The following DNAJC24 variants were observed in gnomAD, a reference collection of about 807,000 sequenced individuals.
DNAJC24 encodes DnaJ heat shock protein family (Hsp40) member C24, also known as dnaJ homolog subfamily C member 24.
In DNAJC24, 17 loss-of-function variants were observed where a neutral mutation model predicts 18.0. The ratio of observed to expected loss-of-function variants is 0.94; its 90% confidence interval spans 0.65 to 1.42. The LOEUF is 1.42. Among genes scored for constraint, DNAJC24 ranks in the 40% most tolerant of loss-of-function variants. The pLI is 0.00. For missense variants in DNAJC24, 158 were observed against 175.6 expected, an observed-to-expected ratio of 0.90 and a Z score of 0.57; for synonymous variants, 55 against 57.7, an observed-to-expected ratio of 0.95 and a Z score of 0.21.
Position 31,393,974 on chromosome 11 carries a change from A to G in DNAJC24, c.112-20837A>G, listed in dbSNP as rs184678339. On this transcript the variant is annotated intron_variant, in intron 2 of 4. Transcript: ENST00000465995. Reference sequence around the variant, plus strand: ...ACAACAGTTTCCTCAAGTGATCAATAAAAGACCTTGTTTTATGTTTGTTTT... The same window carrying G: ...ACAACAGTTTCCTCAAGTGATCAATGAAAGACCTTGTTTTATGTTTGTTTT... Among the ~76,000 whole-genome samples, 146 of 152,310 alleles carry G rather than the reference A, an allele frequency of 9.6e-4. 2 individuals carry two copies. In the South Asian group the frequency reaches 0.014, roughly 14 times the overall value.
At chr11:31,383,043 A>T (rs1383227010) in intron 2 of DNAJC24, among the ~76,000 whole-genome samples, 2 of 152,208 alleles carry the variant, frequency 1.3e-5, no homozygotes, top group African/African-American at 4.8e-5. Context: ...AGAGATCCAT[A>T]GGGTGAGGTC....
chr11:31,378,342 T>TA (rs1196283651), intron 2 of DNAJC24, among the ~76,000 whole-genome samples: 9 of 150,802 alleles, frequency 6.0e-5, no homozygotes, highest in African/African-American at 2.2e-4. Flanking sequence ...TACGTAACAA[T>TA]AAATAGTTAT....
intron 2 of DNAJC24, 40 bp downstream of exon 2, chr11:31,370,899 A>T: frequency 1.5e-6 from 2 of 1,360,496 alleles, no homozygotes; most frequent in Non-Finnish European, 2.0e-6. Context: ...TGAGGGGAAA[A>T]AAATCAATTT....
At chr11:31,373,771 C>T (rs912681128) in intron 2 of DNAJC24, among the ~76,000 whole-genome samples, 1 of 134,426 alleles carries the variant, frequency 7.4e-6, no homozygotes, top group Admixed American at 7.6e-5. Context: ...TCATTTCTCT[C>T]GTCAGTGTTT....
intron 4 of DNAJC24, chr11:31,427,424 C>T (rs1952872800): frequency 1.3e-5 from 2 of 151,832 alleles, no homozygotes; most frequent in Admixed American, 1.3e-4. Flanking sequence ...ACAGTCTCAT[C>T]AGAGTAAACA....
chr11:31,395,795 T>C (rs1952538572), intron 2 of DNAJC24, among the ~76,000 whole-genome samples: 1 of 152,164 alleles, frequency 6.6e-6, no homozygotes, highest in Non-Finnish European at 1.5e-5. Flanking sequence ...TGGCAAATAT[T>C]CTTTTCATTT....
intron 2 of DNAJC24, among the ~76,000 whole-genome samples, chr11:31,413,763 G>T (rs1319164818): frequency 6.6e-6 from 1 of 152,124 alleles, no homozygotes; most frequent in Non-Finnish European, 1.5e-5. Context: ...CATCATGCAG[G>T]CTGGGAGTTC....
chr11:31,414,903 T>G lies in DNAJC24; in HGVS notation c.204T>G (p.Ile68Met). 1.9e-6 allele frequency: 3 copies of G among 1,613,950 alleles called. No individual in the cohort carries two copies. Among genetic ancestry groups the G allele is most frequent in the Non-Finnish European group, 2.5e-6 (3 of 1,179,958 alleles). ...TCGAAATTGATCAAGCATGGAAAAT[T>G]CTAGGAAATGAAGAGACAAAAAGAG... The part of the protein sequence containing the change: ...KFIEIDQAWK[I>M]LGNEETKREY... The change falls in exon 3 of 5, where the codon ATT becomes ATG. Residue 68 changes from isoleucine to methionine, a missense_variant. Coordinates refer to ENST00000465995, the MANE Select transcript of DNAJC24 (RefSeq NM_181706.5).
chr11:31,372,138 A>T (rs1227812228), intron 2 of DNAJC24, among the ~76,000 whole-genome samples: 2 of 151,462 alleles, frequency 1.3e-5, no homozygotes, highest in Non-Finnish European at 2.9e-5. Flanking sequence ...TTTTTTTTTT[A>T]AATGAATTGT....
chr11:31,388,860 G>C (rs947652939), intron 2 of DNAJC24, among the ~76,000 whole-genome samples: 1 of 152,032 alleles, frequency 6.6e-6, no homozygotes, highest in African/African-American at 2.4e-5. Context: ...CATTTAAAAA[G>C]CAGGAGGATG....
intron 2 of DNAJC24, among the ~76,000 whole-genome samples, chr11:31,372,890 C>T (rs1392011337): frequency 2.2e-5 from 3 of 134,104 alleles, no homozygotes; most frequent in African/African-American, 7.5e-5. Flanking sequence ...CCAAAAATGC[C>T]GCCTGCATGT....
chr11:31,375,884 A>T (rs1952308703), intron 2 of DNAJC24, among the ~76,000 whole-genome samples: 1 of 135,434 alleles, frequency 7.4e-6, no homozygotes, highest in Admixed American at 7.5e-5. Context: ...ATAGCTATGT[A>T]TACTATGGGA....
At chr11:31,375,367 G>A (rs1446982778) in intron 2 of DNAJC24, among the ~76,000 whole-genome samples, 1 of 135,154 alleles carries the variant, frequency 7.4e-6, no homozygotes, top group Admixed American at 7.6e-5. Flanking sequence ...CATGTCTTTA[G>A]TACATTTCAT....
chr11:31,426,562 A>G (rs1301633798), intron 4 of DNAJC24: 2 of 410,426 alleles, frequency 4.9e-6, no homozygotes, highest in African/African-American at 4.2e-5. Context: ...ACTCATTTCC[A>G]GTTATTTTTA....
intron 1 of DNAJC24, 23 bp from the exon 2 acceptor site, chr11:31,370,693 T>A (rs866738192): frequency 8.3e-7 from 1 of 1,204,998 alleles, no homozygotes; most frequent in Middle Eastern, 1.9e-4. Flanking sequence ...CTGTGATGAA[T>A]TGTCATTAAT....
chr11:31,395,529 A>G (rs1049879289), intron 2 of DNAJC24, among the ~76,000 whole-genome samples: 17 of 152,256 alleles, frequency 1.1e-4, no homozygotes, highest in Admixed American at 3.3e-4. Flanking sequence ...ATAAGCATCC[A>G]TTATTTTTTT....
At chr11:31,409,068 C>T (rs972791061) in intron 2 of DNAJC24, among the ~76,000 whole-genome samples, 5 of 152,160 alleles carry the variant, frequency 3.3e-5, no homozygotes, top group Admixed American at 3.3e-4. Context: ...AGTAATAAAA[C>T]AATTTCCATA....
At chr11:31,411,433 T>C (rs2133494978) in intron 2 of DNAJC24, among the ~76,000 whole-genome samples, 1 of 152,348 alleles carries the variant, frequency 6.6e-6, no homozygotes, top group Middle Eastern at 3.4e-3. Context: ...CAAATATTTA[T>C]TCTTTTATAG....
At chr11:31,390,865 C>A (rs1952488394) in intron 2 of DNAJC24, among the ~76,000 whole-genome samples, 1 of 152,106 alleles carries the variant, frequency 6.6e-6, no homozygotes, top group Admixed American at 6.5e-5. Flanking sequence ...ATTCGTTCTA[C>A]AAGGCCATTA....
Sources: allele counts gnomAD v4.1 joint callset (sites outside exome capture counted in the v4.1 genomes callset), GRCh38; gene constraint gnomAD v4.1.1; transcripts MANE v1.5; gene names NCBI Gene and HGNC (gene_info 2026-07-23, HGNC 2026-07-21).